Variants in TMEM144 observed in about 807,000 individuals in gnomAD.
TMEM144 encodes transmembrane protein 144.
TMEM144 carries 39 observed loss-of-function variants against 43.6 expected under a neutral mutation model. The ratio of observed to expected loss-of-function variants is 0.90; its 90% CI spans 0.69 to 1.17. TMEM144 has a LOEUF of 1.17. Ranked by LOEUF, TMEM144 falls within the 50% of genes most tolerant of loss-of-function variation. TMEM144 has a pLI of 0.00. For missense variants in TMEM144, 417 were observed against 411.9 expected (o/e 1.01, Z -0.11); for synonymous variants, 154 against 133.6 (o/e 1.15, Z -1.06).
At chr4:158,219,177 T>G (rs1185995438) in intron 5 of TMEM144, 133 bp from the exon 6 acceptor site, 1 of 848,942 alleles carries the variant, frequency 1.2e-6, no homozygotes, top group Non-Finnish European at 1.8e-6. Context: ...TAATTAACTT[T>G]CCCAAAGTCA....
In TMEM144 at chr4:158,237,628, G is replaced by A. The variant is rs150474234; in HGVS notation, c.667G>A (p.Gly223Arg). ...CAAAAGAAATGATAGTATATATGCA[G>A]GGGCAAGCCAATATGGTGAGAATAA... The part of the protein sequence containing the change: ...HSKRNDSIYA[G>R]ASQYDLDYVF... The change falls in exon 9 of 13, where the codon GGG (glycine) becomes AGG (arginine). Residue 223 changes from glycine to arginine, a missense_variant. Coordinates refer to ENST00000296529, the MANE Select transcript of TMEM144 (RefSeq NM_018342.5). The A allele has an allele frequency of 1.9e-6, 3 of 1,609,992 alleles. No homozygotes were observed. Among genetic ancestry groups the A allele is most frequent in the Non-Finnish European group, 1.7e-6 (2 of 1,177,022 alleles).
Position 158,241,569 on chromosome 4 carries a change from C to T in TMEM144, c.863C>T (p.Ser288Phe). The T allele has an allele frequency of 6.2e-7, 1 of 1,613,996 alleles. No individual in the cohort carries two copies. Among genetic ancestry groups the T allele is most frequent in the Non-Finnish European group, 8.5e-7 (1 of 1,179,878 alleles). The change falls in exon 11 of 13, where the codon TCT (serine) becomes TTT (phenylalanine). Residue 288 changes from serine (S) to phenylalanine (F), a missense_variant. By Grantham distance (155) the Ser-to-Phe change is radical. Transcript: ENST00000296529. ...ATCCWFIANH[S>F]LSAVVSFPII... ...TGCTGTTGGTTCATAGCAAATCACT[C>T]TCTGAGTGCTGTGGTCAGTTTTCCA...
At chr4:158,253,351 G>C in intron 12 of TMEM144, 93 bp from the exon 13 acceptor site, 5 of 1,079,016 alleles carry the variant, frequency 4.6e-6, no homozygotes, top group Non-Finnish European at 6.8e-6. Context: ...GGCTAGAGCA[G>C]ATGGTTAGGT....
At chr4:158,233,193 A>G in intron 7 of TMEM144, 6 of 419,444 alleles carry the variant, frequency 1.4e-5, no homozygotes. Context: ...GGGTTTATTT[A>G]TTTTGATTAA....
At chr4:158,224,819 T>A (rs1227239708) in intron 6 of TMEM144, among the ~76,000 whole-genome samples, 1 of 152,054 alleles carries the variant, frequency 6.6e-6, no homozygotes, top group Non-Finnish European at 1.5e-5. Context: ...TTTGCAGGGG[T>A]TGGCGAAGCT....
At chr4:158,214,762 A>G (rs1320604359) in intron 3 of TMEM144, among the ~76,000 whole-genome samples, 2 of 152,190 alleles carry the variant, frequency 1.3e-5, no homozygotes, top group Non-Finnish European at 2.9e-5. Flanking sequence ...CTGTTGTGCT[A>G]TTCCGAAGCA....
At chr4:158,230,318 G>A (rs955334282) in intron 6 of TMEM144, among the ~76,000 whole-genome samples, 9 of 152,162 alleles carry the variant, frequency 5.9e-5, no homozygotes, top group African/African-American at 2.2e-4. Flanking sequence ...CACCTAGTCA[G>A]TTCTGATGAG....
At position 158,253,569 on chromosome 4, in the gene TMEM144, G is replaced by A. The variant is rs769459805; in HGVS notation, c.*42G>A. 24 of 1,489,358 alleles carry A rather than the reference G, an allele frequency of 1.6e-5. No homozygotes were observed. The highest frequency in any genetic ancestry group is 2.1e-5 in the Non-Finnish European group (22 of 1,069,784). The allele number at this position is 1,489,358 out of a possible 1,614,324, so 92.3% of individuals were successfully genotyped here. A position where few individuals can be genotyped will look rare whatever the true frequency, so the allele number is the denominator to read the frequency against. On this transcript the variant is annotated 3_prime_UTR_variant, in exon 13 of 13. Coordinates refer to ENST00000296529, the MANE Select transcript of TMEM144 (RefSeq NM_018342.5). ...AGGTGGCAGCAGTAGTTAAGAGAAC[G>A]CGTCTATCGGACAGCGGAGAGATCA...
intron 12 of TMEM144, among the ~76,000 whole-genome samples, chr4:158,249,887 GGT>G (rs149144602): frequency 0.08 from 10,804 of 134,268 alleles, 572 homozygotes; most frequent in African/African-American, 0.15. Flanking sequence ...CCTACTGCCA[GGT>G]GTGTGTGTGT....
intron 6 of TMEM144, among the ~76,000 whole-genome samples, chr4:158,225,325 T>A (rs750420765): frequency 2.8e-4 from 42 of 152,274 alleles, no homozygotes; most frequent in Non-Finnish European, 4.6e-4. Flanking sequence ...TTTTGTCAGC[T>A]CAGTTAGCCC....
intron 10 of TMEM144, 98 bp downstream of exon 10, chr4:158,240,516 G>A: frequency 7.7e-7 from 1 of 1,298,966 alleles, no homozygotes. Flanking sequence ...GCCATCCTCT[G>A]TGTGTATATG....
intron 11 of TMEM144, among the ~76,000 whole-genome samples, 159 bp from the exon 12 acceptor site, chr4:158,244,137 T>G (rs1187632523): frequency 6.6e-6 from 1 of 152,190 alleles, no homozygotes; most frequent in Non-Finnish European, 1.5e-5. Context: ...TTTTTTTACT[T>G]AATATCACCT....
At chr4:158,224,015 T>G (rs1199578687) in intron 6 of TMEM144, among the ~76,000 whole-genome samples, 1 of 152,236 alleles carries the variant, frequency 6.6e-6, no homozygotes, top group Non-Finnish European at 1.5e-5. Flanking sequence ...TTGAACTAAT[T>G]TATATTCCAC....
At position 158,254,211 on chromosome 4, in the gene TMEM144, T is replaced by C. The variant is rs1736359395; in HGVS notation, c.*684T>C. On this transcript the variant is annotated 3_prime_UTR_variant, in exon 13 of 13. Coordinates refer to ENST00000296529, the MANE Select transcript of TMEM144 (RefSeq NM_018342.5). The stretch of plus-strand genomic sequence containing the variant: ...GAGAAAATGTGCATAACATAATACA[T>C]ACATACACAAGTATATTCACGTACA... The C allele has an allele frequency of 6.6e-6, 1 of 152,166 alleles. No homozygotes were observed. Among genetic ancestry groups the C allele is most frequent in the Non-Finnish European group, 1.5e-5 (1 of 68,024 alleles). 9.4% of individuals were successfully genotyped at this position (152,166 alleles called of 1,614,324 possible).
chr4:158,228,918 G>C (rs1308878201), intron 6 of TMEM144, among the ~76,000 whole-genome samples: 1 of 152,158 alleles, frequency 6.6e-6, no homozygotes, highest in Non-Finnish European at 1.5e-5. Context: ...GGGTCCGCGT[G>C]AGAGGGTCGT....
chr4:158,225,826 A>G (rs535721072), intron 6 of TMEM144, among the ~76,000 whole-genome samples: 1 of 152,368 alleles, frequency 6.6e-6, no homozygotes, highest in South Asian at 2.1e-4. Context: ...CGTGAGAGAC[A>G]CGAAGTGAAT....
chr4:158,240,233 T>C, intron 9 of TMEM144, 66 bp from the exon 10 acceptor site: 1 of 1,534,636 alleles, frequency 6.5e-7, no homozygotes, highest in Non-Finnish European at 8.8e-7. Flanking sequence ...GAGTTTATTT[T>C]CAGAAATCTA....
intron 3 of TMEM144, 127 bp from the exon 4 acceptor site, chr4:158,215,064 C>G: frequency 8.7e-7 from 1 of 1,155,246 alleles, no homozygotes; most frequent in Non-Finnish European, 1.2e-6. Context: ...ATGAAATGTG[C>G]AAAGTCCATG....
At chr4:158,219,913 G>T (rs1178921417) in intron 6 of TMEM144, among the ~76,000 whole-genome samples, 1 of 152,086 alleles carries the variant, frequency 6.6e-6, no homozygotes, top group Non-Finnish European at 1.5e-5. Flanking sequence ...CCCATGTTTG[G>T]TTGCATCTGT....
Sources: allele counts gnomAD v4.1 joint callset (sites outside exome capture counted in the v4.1 genomes callset), GRCh38; gene constraint gnomAD v4.1.1; transcripts MANE v1.5; gene names NCBI Gene and HGNC (gene_info 2026-07-23, HGNC 2026-07-21).